Variants in KCNH5 observed in about 807,000 individuals in gnomAD.
KCNH5 encodes potassium voltage-gated channel subfamily H member 5, also known as voltage-gated delayed rectifier potassium channel KCNH5.
KCNH5 carries 46 observed loss-of-function variants against 96.1 expected under a neutral mutation model. That is an observed-to-expected ratio of 0.48 (90% CI 0.38 to 0.61). The LOEUF (loss-of-function observed/expected upper bound fraction) is 0.61. KCNH5 is among the 20% of genes least tolerant of loss of function. The probability of loss-of-function intolerance (pLI) is 0.00; values close to 1 mark genes in which losing one functional copy is unlikely to be tolerated. For synonymous variants in KCNH5, 439 were observed against 449.8 expected, an observed-to-expected ratio of 0.98 and a Z score of 0.30; for missense variants, 907 against 1,225.8, an observed-to-expected ratio of 0.74 and a Z score of 3.88.
intron 10 of KCNH5, among the ~76,000 whole-genome samples, chr14:62,757,031 G>T (rs1885638875): frequency 6.6e-6 from 1 of 152,052 alleles, no homozygotes; most frequent in African/African-American, 2.4e-5. Flanking sequence ...GAAAATATTT[G>T]CAAATTACAC....
At chr14:63,011,693 C>T (rs1313203618) in intron 2 of KCNH5, among the ~76,000 whole-genome samples, 3 of 152,070 alleles carry the variant, frequency 2.0e-5, no homozygotes, top group South Asian at 2.1e-4. Context: ...CTGTAATCTT[C>T]GGAGTCTGAC....
intron 7 of KCNH5, among the ~76,000 whole-genome samples, chr14:62,911,514 T>C (rs1055922656): frequency 6.6e-6 from 1 of 152,042 alleles, no homozygotes; most frequent in Non-Finnish European, 1.5e-5. Context: ...TGATCAGGAA[T>C]AGACAAAGCC....
chr14:63,000,001 T>A (rs1890982961), intron 4 of KCNH5, among the ~76,000 whole-genome samples: 1 of 152,140 alleles, frequency 6.6e-6, no homozygotes, highest in Non-Finnish European at 1.5e-5. Flanking sequence ...GGAATATGGG[T>A]CCAAATTGAA....
Position 63,010,668 on chromosome 14 carries a change from T to A in KCNH5, c.198-4196A>T, listed in dbSNP as rs189429419. 2.0e-4 allele frequency among the ~76,000 whole-genome samples: 31 copies of A among 152,312 alleles called. No individual in the cohort carries two copies. In the East Asian group the frequency reaches 5.8e-3, roughly 28 times the overall value. On this transcript the variant is annotated intron_variant, in intron 2 of 10. Coordinates refer to ENST00000322893, the MANE Select transcript of KCNH5 (RefSeq NM_139318.5). ...CGCCTAGGCATCTGGCAGTTATCGT[T>A]CATGTGTGTCTGACCTAGAAAACTT...
At chr14:63,031,088 A>G (rs80087517) in intron 1 of KCNH5, among the ~76,000 whole-genome samples, 6,073 of 151,870 alleles carry the variant, frequency 0.04, 330 homozygotes, top group East Asian at 0.16. Context: ...GACCAGGAAA[A>G]TTAAAGACTC....
At chr14:62,883,089 T>G (rs1406701368) in intron 7 of KCNH5, among the ~76,000 whole-genome samples, 3 of 152,212 alleles carry the variant, frequency 2.0e-5, no homozygotes, top group Non-Finnish European at 4.4e-5. Context: ...AATGAGTTAA[T>G]TAGTACTTAC....
chr14:62,840,623 T>G (rs1887565645), intron 8 of KCNH5, among the ~76,000 whole-genome samples: 1 of 134,550 alleles, frequency 7.4e-6, no homozygotes, highest in Non-Finnish European at 1.5e-5. Flanking sequence ...CAGGCTGGAG[T>G]GCAGTGGCAC....
At chr14:62,794,247 T>C (rs1279489485) in intron 9 of KCNH5, among the ~76,000 whole-genome samples, 2 of 152,030 alleles carry the variant, frequency 1.3e-5, no homozygotes, top group African/African-American at 2.4e-5. Flanking sequence ...GCAGTGGTGT[T>C]AGAGAAATCT....
At chr14:62,886,421 G>A (rs1383943855) in intron 7 of KCNH5, among the ~76,000 whole-genome samples, 1 of 152,168 alleles carries the variant, frequency 6.6e-6, no homozygotes, top group Non-Finnish European at 1.5e-5. Context: ...AGCACACCCA[G>A]CCACATGTTC....
chr14:62,990,647 T>C (rs544249771), intron 4 of KCNH5, among the ~76,000 whole-genome samples: 1 of 152,156 alleles, frequency 6.6e-6, no homozygotes, highest in Non-Finnish European at 1.5e-5. Flanking sequence ...CCCTTGAACA[T>C]AGATGAAAAG....
chr14:63,044,707 G>C (rs1379760827), intron 1 of KCNH5, among the ~76,000 whole-genome samples: 1 of 152,158 alleles, frequency 6.6e-6, no homozygotes, highest in Non-Finnish European at 1.5e-5. Context: ...TTCCCAACTT[G>C]AGGGAAACCT....
At chr14:62,832,968 G>A (rs1887386937) in intron 8 of KCNH5, among the ~76,000 whole-genome samples, 1 of 141,554 alleles carries the variant, frequency 7.1e-6, no homozygotes, top group Non-Finnish European at 1.5e-5. Context: ...TTGGTTATTT[G>A]TGGGTTTTTG....
rs115565569 is a variant in KCNH5, at chr14:62,963,670, T to C, written c.943-13111A>G. On this transcript the variant is annotated intron_variant, in intron 6 of 10. Transcript: ENST00000322893. Reference sequence around the variant, plus strand: ...ACAGATTGGATAATGCCCATCCACATTGGGGAGAACAATCTGCTTTACTGA... The same window carrying C: ...ACAGATTGGATAATGCCCATCCACACTGGGGAGAACAATCTGCTTTACTGA... Among the ~76,000 whole-genome samples the C allele has an allele frequency of 2.6e-3, 394 of 152,272 alleles. 2 individuals carry two copies. The highest frequency in any genetic ancestry group is 8.9e-3 in the African/African-American group (370 of 41,574).
intron 9 of KCNH5, among the ~76,000 whole-genome samples, chr14:62,786,797 A>G (rs1415036120): frequency 3.3e-5 from 5 of 152,292 alleles, no homozygotes; most frequent in South Asian, 2.1e-4. Context: ...ATCTGTGATC[A>G]GTAATCTTTC....
intron 7 of KCNH5, among the ~76,000 whole-genome samples, chr14:62,859,205 G>A (rs1887986679): frequency 6.6e-6 from 1 of 152,116 alleles, no homozygotes; most frequent in Admixed American, 6.5e-5. Flanking sequence ...CAGGTAGCGG[G>A]CTGATTACCC....
At chr14:62,727,756 G>A (rs1328715544) in intron 10 of KCNH5, among the ~76,000 whole-genome samples, 1 of 140,714 alleles carries the variant, frequency 7.1e-6, no homozygotes, top group African/African-American at 2.7e-5. Context: ...ATAAAATAAC[G>A]ACACTGCTTA....
intron 7 of KCNH5, among the ~76,000 whole-genome samples, chr14:62,901,044 A>C (rs948782438): frequency 6.6e-6 from 1 of 152,018 alleles, no homozygotes; most frequent in Non-Finnish European, 1.5e-5. Flanking sequence ...GCTGGAGTGC[A>C]GTGGCATGAT....
chr14:62,760,508 G>A (rs557787165), intron 10 of KCNH5, among the ~76,000 whole-genome samples: 24 of 152,278 alleles, frequency 1.6e-4, no homozygotes, highest in South Asian at 8.3e-4. Flanking sequence ...TCCAGATTGC[G>A]AGTTTCCTAA....
At chr14:62,768,276 T>C (rs2139963048) in intron 10 of KCNH5, among the ~76,000 whole-genome samples, 1 of 152,210 alleles carries the variant, frequency 6.6e-6, no homozygotes, top group African/African-American at 2.4e-5. Context: ...ATAAGAAAAT[T>C]TGCATGTATC....
Sources: allele counts gnomAD v4.1 joint callset (sites outside exome capture counted in the v4.1 genomes callset), GRCh38; gene constraint gnomAD v4.1.1; transcripts MANE v1.5; gene names NCBI Gene and HGNC (gene_info 2026-07-23, HGNC 2026-07-21).